Variants in PABPC4L observed in about 807,000 individuals in gnomAD.
PABPC4L encodes the protein poly(A) binding protein cytoplasmic 4 like, also known as polyadenylate-binding protein 4-like.
For missense variants in PABPC4L, 452 were observed against 451.4 expected, an observed-to-expected ratio of 1.00 and a Z score of -0.01; for synonymous variants, 169 against 164.1, an observed-to-expected ratio of 1.03 and a Z score of -0.23.
At chr4:133,955,762 G>T in the PABPC4L span, among the ~76,000 whole-genome samples, 1 of 152,244 alleles carries the variant, frequency 6.6e-6, no homozygotes, top group East Asian at 1.9e-4. Context: ...CCATAGTACT[G>T]GGGGTTATGC....
chr4:134,070,301 G>T, the PABPC4L span, among the ~76,000 whole-genome samples: 3 of 152,070 alleles, frequency 2.0e-5, no homozygotes, highest in Non-Finnish European at 2.9e-5. Flanking sequence ...GTTCACAAGT[G>T]CCAGCAGCAG....
chr4:134,113,553 A>G, the PABPC4L span, among the ~76,000 whole-genome samples: 2 of 152,014 alleles, frequency 1.3e-5, no homozygotes, highest in South Asian at 4.1e-4. Context: ...TTGTGTAAGT[A>G]CACTCTATGA....
chr4:134,032,122 GA>G, the PABPC4L span, among the ~76,000 whole-genome samples: 1 of 151,652 alleles, frequency 6.6e-6, no homozygotes, highest in South Asian at 2.1e-4. Context: ...AGGAAAAAGG[GA>G]AGGAAAGGCC....
chr4:133,948,488 G>T, the PABPC4L span, among the ~76,000 whole-genome samples: 1 of 152,186 alleles, frequency 6.6e-6, no homozygotes, highest in African/African-American at 2.4e-5. Flanking sequence ...GGTACAAGTT[G>T]AGAGTTCTCC....
the PABPC4L span, among the ~76,000 whole-genome samples, chr4:134,140,691 G>A: frequency 1.0e-3 from 155 of 151,814 alleles, 2 homozygotes; most frequent in African/African-American, 3.5e-3. Context: ...CCTGATCTAC[G>A]TTTATACATA....
the PABPC4L span, among the ~76,000 whole-genome samples, chr4:134,028,690 C>A: frequency 3.9e-5 from 6 of 152,022 alleles, no homozygotes; most frequent in Admixed American, 2.0e-4. Flanking sequence ...ACAATGTTAG[C>A]ATGAGAATGA....
the PABPC4L span, among the ~76,000 whole-genome samples, chr4:134,126,245 T>A: frequency 6.6e-6 from 1 of 152,080 alleles, no homozygotes; most frequent in Non-Finnish European, 1.5e-5. Flanking sequence ...ATGTGAGAAT[T>A]CAACTTGAAC....
the PABPC4L span, among the ~76,000 whole-genome samples, chr4:134,109,314 G>T: frequency 1.3e-5 from 2 of 151,832 alleles, no homozygotes; most frequent in South Asian, 4.1e-4. Flanking sequence ...GGCTTTTAGA[G>T]AATAATTACA....
chr4:134,154,139 C>T, the PABPC4L span, among the ~76,000 whole-genome samples: 3 of 151,972 alleles, frequency 2.0e-5, no homozygotes, highest in African/African-American at 7.2e-5. Flanking sequence ...GAAACATTGA[C>T]TCCATAGAAA....
At chr4:134,016,675 G>A in the PABPC4L span, among the ~76,000 whole-genome samples, 31 of 152,054 alleles carry the variant, frequency 2.0e-4, no homozygotes, top group African/African-American at 7.5e-4. Flanking sequence ...CAGCCTCACA[G>A]GCCCATTCTA....
chr4:133,957,387 A>G, the PABPC4L span, among the ~76,000 whole-genome samples: 7 of 152,308 alleles, frequency 4.6e-5, no homozygotes, highest in East Asian at 1.4e-3. Context: ...CTGATGCAAG[A>G]GATGGGCTTC....
the PABPC4L span, among the ~76,000 whole-genome samples, chr4:134,163,161 T>G: frequency 2.0e-5 from 3 of 152,068 alleles, no homozygotes; most frequent in African/African-American, 7.2e-5. Context: ...CAATTAGAAA[T>G]GCAAATGGAG....
At chr4:134,069,060 A>G in the PABPC4L span, among the ~76,000 whole-genome samples, 6 of 152,126 alleles carry the variant, frequency 3.9e-5, no homozygotes, top group African/African-American at 1.4e-4. Context: ...TATCTGGACT[A>G]GGATCCTATC....
At chr4:134,080,582 T>C in the PABPC4L span, among the ~76,000 whole-genome samples, 1 of 152,174 alleles carries the variant, frequency 6.6e-6, no homozygotes, top group Non-Finnish European at 1.5e-5. Context: ...AAAGGTACAG[T>C]GCTAGTTAAC....
the PABPC4L span, among the ~76,000 whole-genome samples, chr4:133,969,117 T>C: frequency 6.6e-6 from 1 of 152,166 alleles, no homozygotes; most frequent in Non-Finnish European, 1.5e-5. Flanking sequence ...GACAGAGAGT[T>C]TGATGTTTTC....
chr4:134,041,565 T>C, the PABPC4L span, among the ~76,000 whole-genome samples: 2 of 151,686 alleles, frequency 1.3e-5, no homozygotes, highest in East Asian at 2.0e-4. Flanking sequence ...CATCACACAC[T>C]GGGGCCTGTC....
chr4:134,098,182 A>G, the PABPC4L span, among the ~76,000 whole-genome samples: 1 of 151,922 alleles, frequency 6.6e-6, no homozygotes, highest in Non-Finnish European at 1.5e-5. Flanking sequence ...CTTTGACTTG[A>G]ACTGTATTTG....
the PABPC4L span, among the ~76,000 whole-genome samples, chr4:133,962,939 C>A: frequency 1.3e-5 from 2 of 151,792 alleles, no homozygotes; most frequent in South Asian, 2.1e-4. Flanking sequence ...AAACAAAAAA[C>A]CAAGATATAC....
the PABPC4L span, among the ~76,000 whole-genome samples, chr4:134,165,248 C>G: frequency 3.9e-5 from 6 of 152,036 alleles, no homozygotes; most frequent in Non-Finnish European, 8.8e-5. Flanking sequence ...ACTAATATCC[C>G]AAAAGCAAAT....
Sources: allele counts gnomAD v4.1 joint callset (sites outside exome capture counted in the v4.1 genomes callset), GRCh38; gene constraint gnomAD v4.1.1; transcripts MANE v1.5; gene names NCBI Gene and HGNC (gene_info 2026-07-23, HGNC 2026-07-21).